The following RNF17 variants were observed in gnomAD, a reference collection of about 807,000 sequenced individuals.
RNF17 encodes ring finger protein 17, also known as spermatogenesis associated 23.
A neutral mutation model predicts 200.5 loss-of-function variants in RNF17; 31 were observed. The observed-to-expected ratio is 0.15, with a 90% confidence interval of 0.12 to 0.21. The LOEUF (loss-of-function observed/expected upper bound fraction) is 0.21, where lower values mean the gene tolerates loss of function less well. RNF17 is among the 10% of genes least tolerant of loss of function. The pLI is 1.00. For synonymous variants in RNF17, 606 were observed against 637.8 expected (o/e 0.95, Z 0.75); for missense variants, 1,628 against 1,905.1 (o/e 0.85, Z 2.71).
At chr13:24,881,432 T>C (rs762167224), downstream of RNF17, among the ~76,000 whole-genome samples, 1 of 152,070 alleles carries the variant, frequency 6.6e-6, no homozygotes, top group Admixed American at 6.5e-5. Flanking sequence ...TGAGCCACCA[T>C]GCCTGGCCTA....
At chr13:24,811,287 C>T (rs1218685525) in intron 15 of RNF17, among the ~76,000 whole-genome samples, 5 of 151,984 alleles carry the variant, frequency 3.3e-5, no homozygotes, top group African/African-American at 4.8e-5. Flanking sequence ...ACCAATCAGA[C>T]ATAGATTTGG....
chr13:24,774,361 C>T (rs1246891378), intron 2 of RNF17, among the ~76,000 whole-genome samples: 3 of 152,156 alleles, frequency 2.0e-5, no homozygotes, highest in African/African-American at 7.2e-5. Flanking sequence ...AGGCGCCTGC[C>T]ACCATGCCTG....
chr13:24,883,238 C>A, downstream of RNF17: 1 of 1,614,104 alleles, frequency 6.2e-7, no homozygotes, highest in Non-Finnish European at 8.5e-7. Context: ...CCGACCGGAT[C>A]TGTACTTCGT....
At position 24,788,404 on chromosome 13, in the gene RNF17, G is replaced by A. The variant is rs190679708; in HGVS notation, c.783+245G>A. On this transcript the variant is annotated intron_variant, in intron 7 of 35. Coordinates refer to ENST00000255324, the MANE Select transcript of RNF17 (RefSeq NM_031277.3). ...TTTTTTGACCAGTTAGGGAAATGGT[G>A]CAATTAAGTCTTTGTAACACTTGAT... Among the ~76,000 whole-genome samples the A allele has an allele frequency of 2.1e-3, 317 of 152,090 alleles. 2 individuals carry two copies. Among genetic ancestry groups the A allele is most frequent in the Non-Finnish European group, 3.6e-3 (243 of 67,974 alleles).
At chr13:24,771,706 T>TAA (rs1018901230) in intron 2 of RNF17, among the ~76,000 whole-genome samples, 7 of 151,646 alleles carry the variant, frequency 4.6e-5, no homozygotes, top group African/African-American at 1.5e-4. Flanking sequence ...CTTCAATACT[T>TAA]ACGTTTTTTT....
At chr13:24,883,958 C>T, downstream of RNF17, 1 of 1,614,076 alleles carries the variant, frequency 6.2e-7, no homozygotes, top group Non-Finnish European at 8.5e-7. Flanking sequence ...ATAATGTTGC[C>T]ATACCGTTGT....
At chr13:24,787,416 T>C (rs2137607722) in intron 6 of RNF17, among the ~76,000 whole-genome samples, 1 of 152,296 alleles carries the variant, frequency 6.6e-6, no homozygotes, top group South Asian at 2.1e-4. Flanking sequence ...TTTGTTGAAA[T>C]TGGGCATTTG....
the RNF17 span, chr13:24,750,855 T>C: frequency 2.6e-5 from 4 of 152,326 alleles, no homozygotes; most frequent in South Asian, 4.1e-4. Context: ...GAGCACCATC[T>C]AGTTGCTGTT....
chr13:24,884,004 T>C, downstream of RNF17: 1 of 1,614,188 alleles, frequency 6.2e-7, no homozygotes, highest in Non-Finnish European at 8.5e-7. Flanking sequence ...AAATGCTTTC[T>C]TCTTGTCCAT....
downstream of RNF17, chr13:24,884,079 T>C (rs1953939105): frequency 6.3e-7 from 1 of 1,586,176 alleles, no homozygotes; most frequent in Admixed American, 1.8e-5. Context: ...CTGGGTAATG[T>C]TTTTCTGTTT....
chr13:24,798,863 C>G (rs1452522471), intron 11 of RNF17, among the ~76,000 whole-genome samples: 8 of 152,094 alleles, frequency 5.3e-5, no homozygotes, highest in Admixed American at 3.9e-4. Context: ...TTCATCTTCC[C>G]TCTTCTCTGA....
chr13:24,812,375 G>T (rs1344649404), intron 15 of RNF17, among the ~76,000 whole-genome samples: 1 of 151,886 alleles, frequency 6.6e-6, no homozygotes, highest in East Asian at 2.0e-4. Flanking sequence ...TCGGAAAAGT[G>T]CAGTATTCGG....
At chr13:24,768,983 C>A (rs1593203387) in intron 2 of RNF17, among the ~76,000 whole-genome samples, 1 of 135,542 alleles carries the variant, frequency 7.4e-6, no homozygotes, top group East Asian at 2.3e-4. Flanking sequence ...AAATTCCTAA[C>A]CTCTTCCCTT....
At chr13:24,765,022 A>T (rs1339844103) in intron 1 of RNF17, among the ~76,000 whole-genome samples, 1 of 150,662 alleles carries the variant, frequency 6.6e-6, no homozygotes, top group Admixed American at 6.6e-5. Flanking sequence ...ATTTATTATT[A>T]TTTTTTTCTT....
intron 2 of RNF17, among the ~76,000 whole-genome samples, chr13:24,768,683 A>T (rs1443396349): frequency 1.3e-5 from 2 of 151,884 alleles, no homozygotes; most frequent in African/African-American, 4.8e-5. Flanking sequence ...GAGGCATGAG[A>T]TCTAGAATGC....
intron 6 of RNF17, 25 bp downstream of exon 6, chr13:24,781,969 CAATG>C: frequency 7.2e-7 from 1 of 1,396,114 alleles, no homozygotes; most frequent in Non-Finnish European, 1.0e-6. Context: ...AATATGGACT[CAATG>C]AAACTGAAGT....
chr13:24,806,695 T>C (rs1342830349), intron 15 of RNF17, among the ~76,000 whole-genome samples: 2 of 151,980 alleles, frequency 1.3e-5, no homozygotes, highest in East Asian at 3.9e-4. Context: ...ATGTGCACAA[T>C]GTGCAGGTTA....
At chr13:24,863,489 G>A (rs1166329489) in intron 28 of RNF17, among the ~76,000 whole-genome samples, 4 of 152,158 alleles carry the variant, frequency 2.6e-5, no homozygotes. Flanking sequence ...AGCCTCAGTG[G>A]AGGTTTCTGA....
Position 24,789,389 on chromosome 13 carries a change from A to T in RNF17, c.825A>T (p.Ala275=). 1.2e-6 allele frequency: 2 copies of T among 1,606,420 alleles called. No individual in the cohort carries two copies. Among genetic ancestry groups the T allele is most frequent in the Non-Finnish European group, 1.7e-6 (2 of 1,174,286 alleles). The change falls in exon 8 of 36, where the codon GCA becomes GCT. Residue 275 remains alanine, a synonymous_variant. Coordinates refer to ENST00000255324, the MANE Select transcript of RNF17 (RefSeq NM_031277.3). ...AGTTAACTTCAGATAGTGAATTAGC[A>T]CAAGTTAGTTCTCCACAACTAAGGA... ...TLQLTSDSEL[A]QVSSPQLRNP...
Sources: allele counts gnomAD v4.1 joint callset (sites outside exome capture counted in the v4.1 genomes callset), GRCh38; gene constraint gnomAD v4.1.1; transcripts MANE v1.5; gene names NCBI Gene and HGNC (gene_info 2026-07-23, HGNC 2026-07-21).